Variants in ST18 observed in about 807,000 individuals in gnomAD.
ST18 encodes the protein suppression of tumorigenicity 18 protein.
Under a neutral mutation model 110.0 loss-of-function variants are expected in ST18, and 50 were observed. That is an observed-to-expected ratio of 0.45 (90% CI 0.36 to 0.58). ST18 has a LOEUF of 0.58. Ranked by LOEUF, ST18 falls within the 20% of genes least tolerant of loss-of-function variation. ST18 has a pLI of 0.00. For missense variants in ST18, 1,306 were observed against 1,280.1 expected (o/e 1.02, Z -0.31); for synonymous variants, 461 against 452.4 (o/e 1.02, Z -0.24).
chr8:52,125,336 G>A (rs990125149), intron 23 of ST18, among the ~76,000 whole-genome samples: 5 of 152,052 alleles, frequency 3.3e-5, no homozygotes, highest in Admixed American at 2.0e-4. Context: ...ACAGATGCCA[G>A]AAACTGCTTC....
chr8:52,340,509 T>C (rs1814430573), intron 2 of ST18, among the ~76,000 whole-genome samples: 2 of 152,226 alleles, frequency 1.3e-5, no homozygotes, highest in South Asian at 2.1e-4. Context: ...CATTTTAATG[T>C]TTCAAAAAGT....
chr8:52,334,807 G>T (rs1438074549), intron 2 of ST18, among the ~76,000 whole-genome samples: 1 of 152,080 alleles, frequency 6.6e-6, no homozygotes, highest in African/African-American at 2.4e-5. Context: ...GCTCCACGTT[G>T]CTCATTTCTC....
At chr8:52,145,396 C>T (rs555880977) in intron 16 of ST18, among the ~76,000 whole-genome samples, 3 of 152,064 alleles carry the variant, frequency 2.0e-5, no homozygotes, top group Admixed American at 6.6e-5. Context: ...GTAACTTTAA[C>T]ACATAGACTC....
intron 2 of ST18, among the ~76,000 whole-genome samples, chr8:52,263,117 A>G (rs1233630069): frequency 6.6e-6 from 1 of 152,208 alleles, no homozygotes; most frequent in Non-Finnish European, 1.5e-5. Context: ...CAGTTTAAAT[A>G]TAGTGCTGGT....
chr8:52,164,463 T>C (rs1178104614), intron 12 of ST18, among the ~76,000 whole-genome samples: 1 of 152,222 alleles, frequency 6.6e-6, no homozygotes, highest in African/African-American at 2.4e-5. Context: ...TTTAGAAAAA[T>C]TTTAGGAACT....
At chr8:52,339,005 A>C (rs1813573448) in intron 2 of ST18, among the ~76,000 whole-genome samples, 1 of 152,144 alleles carries the variant, frequency 6.6e-6, no homozygotes, top group South Asian at 2.1e-4. Context: ...CAGCCTCCCA[A>C]GTAGCTCACA....
intron 15 of ST18, among the ~76,000 whole-genome samples, chr8:52,151,426 T>C (rs753402731): frequency 6.6e-6 from 1 of 152,220 alleles, no homozygotes; most frequent in Non-Finnish European, 1.5e-5. Flanking sequence ...TGTCCCTTTT[T>C]AGTAAATAGT....
Position 52,172,280 on chromosome 8 carries a change from C to T in ST18, c.581G>A (p.Ser194Asn). ...GCCATTTTCTGCACTTTCAGAGTTA[C>T]TTTCATTGTCATCAGAGGAGCAGAA... ...PPFCSSDDNE[S>N]NSESAENGWD... The change falls in exon 10 of 26, where the codon AGT becomes AAT. Residue 194 changes from serine (S) to asparagine (N), a missense_variant. Coordinates refer to ENST00000689386, the MANE Select transcript of ST18 (RefSeq NM_001352837.2). 1 of 1,614,160 alleles carries T rather than the reference C, an allele frequency of 6.2e-7. No individual in the cohort carries two copies. Among genetic ancestry groups the T allele is most frequent in the Non-Finnish European group, 8.5e-7 (1 of 1,180,042 alleles).
At chr8:52,187,504 G>T (rs150159682) in intron 8 of ST18, among the ~76,000 whole-genome samples, 3 of 152,166 alleles carry the variant, frequency 2.0e-5, no homozygotes, top group Admixed American at 2.0e-4. Context: ...GCCAATGATG[G>T]AAGAATATAA....
chr8:52,343,671 C>T (rs558544957), intron 2 of ST18, among the ~76,000 whole-genome samples: 2 of 152,202 alleles, frequency 1.3e-5, no homozygotes, highest in Non-Finnish European at 2.9e-5. Flanking sequence ...TTAAAATGGT[C>T]GCTATGAATC....
In ST18 at chr8:52,174,837, C is replaced by A. The variant is rs561520161; in HGVS notation, c.278-2254G>T. Among the ~76,000 whole-genome samples the A allele has an allele frequency of 3.0e-4, 46 of 152,324 alleles. 1 individual carries two copies. In the South Asian group the frequency reaches 9.3e-3, roughly 31 times the overall value. On this transcript the variant is annotated intron_variant, in intron 9 of 25. Transcript: ENST00000689386. ...TGCAAACCAACTTTCCACATTCCAC[C>A]CCCCTCCCAGGCTTTCACTGGAGTC...
At chr8:52,235,805 C>T (rs752902319) in intron 2 of ST18, among the ~76,000 whole-genome samples, 9 of 151,988 alleles carry the variant, frequency 5.9e-5, no homozygotes, top group Non-Finnish European at 1.0e-4. Flanking sequence ...ATATCTTTGA[C>T]ACATGCACAA....
intron 17 of ST18, among the ~76,000 whole-genome samples, chr8:52,140,355 C>A (rs527919637): frequency 5.4e-4 from 82 of 152,108 alleles, no homozygotes; most frequent in Non-Finnish European, 1.0e-3. Flanking sequence ...CATGGCGAAA[C>A]CCTGTCTCTA....
intron 2 of ST18, among the ~76,000 whole-genome samples, chr8:52,291,734 GATGAAA>G (rs749416705): frequency 6.4e-4 from 98 of 152,044 alleles, no homozygotes; most frequent in Non-Finnish European, 1.2e-3. Context: ...ATAATGGATG[GATGAAA>G]ATGTAAATAA....
chr8:52,134,260 T>A (rs1328133777), intron 19 of ST18, among the ~76,000 whole-genome samples: 1 of 152,162 alleles, frequency 6.6e-6, no homozygotes, highest in Non-Finnish European at 1.5e-5. Flanking sequence ...AATCAACCAT[T>A]AAATTTGGAA....
At chr8:52,186,673 A>G (rs1444865351) in intron 8 of ST18, among the ~76,000 whole-genome samples, 1 of 152,208 alleles carries the variant, frequency 6.6e-6, no homozygotes, top group Non-Finnish European at 1.5e-5. Flanking sequence ...TGACTGCAGA[A>G]TGAATAAAAG....
intron 7 of ST18, among the ~76,000 whole-genome samples, chr8:52,213,693 C>T (rs986538092): frequency 1.3e-5 from 2 of 152,100 alleles, no homozygotes; most frequent in Non-Finnish European, 2.9e-5. Flanking sequence ...AGAGAGATAA[C>T]CAGCAAGTTA....
At position 52,269,175 on chromosome 8, in the gene ST18, C is replaced by G. The variant is rs551353625; in HGVS notation, c.-464-39098G>C. Reference sequence around the variant, plus strand: ...AATGCTGGGCGGCAATGACTTTACACCTGAATAAGTGACCCATCACCCTCT... The same window carrying G: ...AATGCTGGGCGGCAATGACTTTACAGCTGAATAAGTGACCCATCACCCTCT... On this transcript the variant is annotated intron_variant, in intron 2 of 25. Coordinates refer to ENST00000689386, the MANE Select transcript of ST18 (RefSeq NM_001352837.2). 3.3e-5 allele frequency among the ~76,000 whole-genome samples: 5 copies of G among 152,324 alleles called. No individual in the cohort carries two copies. In the East Asian group the frequency reaches 5.8e-4, roughly 18 times the overall value.
At chr8:52,180,084 C>T (rs753535077) in intron 9 of ST18, 38 bp downstream of exon 9, 1 of 1,604,630 alleles carries the variant, frequency 6.2e-7, no homozygotes, top group Non-Finnish European at 8.5e-7. Context: ...TCCTTGGAGC[C>T]AGGGAGCAGG....
Sources: allele counts gnomAD v4.1 joint callset (sites outside exome capture counted in the v4.1 genomes callset), GRCh38; gene constraint gnomAD v4.1.1; transcripts MANE v1.5; gene names NCBI Gene and HGNC (gene_info 2026-07-23, HGNC 2026-07-21).